The following NBAS variants were observed in gnomAD, a reference collection of about 807,000 sequenced individuals.
NBAS encodes NBAS subunit of NRZ tethering complex.
In NBAS, 219 loss-of-function variants were observed where a neutral mutation model predicts 302.5. The observed-to-expected ratio is 0.72, with a 90% CI of 0.65 to 0.81. The LOEUF is 0.81. Ranked by LOEUF, NBAS falls within the 30% of genes least tolerant of loss-of-function variation. The pLI, the probability that NBAS is intolerant of heterozygous loss-of-function variation, is 0.00. For missense variants in NBAS, 2,932 were observed against 2,841.6 expected (o/e 1.03, Z -0.72); for synonymous variants, 1,118 against 1,021.6 (o/e 1.09, Z -1.80).
the NBAS span, among the ~76,000 whole-genome samples, chr2:14,793,219 A>G: frequency 1.3e-5 from 2 of 152,176 alleles, no homozygotes; most frequent in Admixed American, 6.6e-5. Flanking sequence ...CTGTGAGAAA[A>G]TAAATTTTTG....
the NBAS span, among the ~76,000 whole-genome samples, chr2:15,113,981 T>C: frequency 1.3e-5 from 2 of 152,094 alleles, no homozygotes; most frequent in African/African-American, 2.4e-5. Flanking sequence ...CACACCACTA[T>C]CTACGAAATA....
At chr2:15,408,073 A>C (rs1676505412) in intron 25 of NBAS, among the ~76,000 whole-genome samples, 1 of 152,230 alleles carries the variant, frequency 6.6e-6, no homozygotes, top group Admixed American at 6.5e-5. Flanking sequence ...ATAATTCAGG[A>C]TAGCTTTGCC....
intron 48 of NBAS, among the ~76,000 whole-genome samples, chr2:15,201,763 A>G (rs1472444418): frequency 6.6e-6 from 1 of 152,160 alleles, no homozygotes; most frequent in African/African-American, 2.4e-5. Flanking sequence ...TCCCTTTTCT[A>G]TGGAACTAAA....
chr2:15,308,042 G>T (rs933334813), intron 40 of NBAS, among the ~76,000 whole-genome samples, 174 bp downstream of exon 40: 5 of 152,196 alleles, frequency 3.3e-5, no homozygotes, highest in African/African-American at 1.2e-4. Flanking sequence ...TCTACTTACT[G>T]ATACCTGGAG....
chr2:15,143,916 C>T, the NBAS span, among the ~76,000 whole-genome samples: 3 of 151,584 alleles, frequency 2.0e-5, no homozygotes, highest in Non-Finnish European at 2.9e-5. Flanking sequence ...TGCCCTCAAA[C>T]ATCAGACTTC....
chr2:15,325,406 G>A (rs182966775), intron 38 of NBAS, among the ~76,000 whole-genome samples: 2 of 152,144 alleles, frequency 1.3e-5, no homozygotes, highest in Non-Finnish European at 2.9e-5. Context: ...ATAATCATCT[G>A]AGCGTTCAGT....
chr2:14,818,623 A>C, the NBAS span, among the ~76,000 whole-genome samples: 28 of 152,286 alleles, frequency 1.8e-4, no homozygotes, highest in East Asian at 5.2e-3. Flanking sequence ...TGAGCAGTAA[A>C]TGGTGTTTAA....
intron 28 of NBAS, among the ~76,000 whole-genome samples, chr2:15,390,129 G>A (rs913779248): frequency 6.6e-6 from 1 of 152,092 alleles, no homozygotes; most frequent in East Asian, 1.9e-4. Flanking sequence ...AAAAGAAAAG[G>A]GGAAAAAGAA....
the NBAS span, among the ~76,000 whole-genome samples, chr2:14,854,737 T>C: frequency 6.6e-6 from 1 of 152,004 alleles, no homozygotes; most frequent in Non-Finnish European, 1.5e-5. Context: ...GGAGGGAGCA[T>C]TTAAACTAGT....
downstream of NBAS, among the ~76,000 whole-genome samples, chr2:15,163,741 G>A (rs1031774303): frequency 6.6e-6 from 1 of 151,938 alleles, no homozygotes; most frequent in Non-Finnish European, 1.5e-5. Flanking sequence ...TTGGATGAAG[G>A]GTCCCACGTC....
At chr2:15,003,665 C>G in the NBAS span, among the ~76,000 whole-genome samples, 1 of 152,236 alleles carries the variant, frequency 6.6e-6, no homozygotes, top group Non-Finnish European at 1.5e-5. Flanking sequence ...CCTCCTCCTC[C>G]TCTGAGCCTG....
In NBAS at chr2:15,328,067, G is replaced by A; in HGVS notation, c.4461+132C>T. On this transcript the variant is annotated intron_variant, in intron 37 of 51. Transcript: ENST00000281513. Reference sequence around the variant, plus strand: ...TGGTCATAATATATACCAAAAAAATGTAAAAACCAATGAATAACATGAGTA... The same window carrying A: ...TGGTCATAATATATACCAAAAAAATATAAAAACCAATGAATAACATGAGTA... The A allele has an allele frequency of 3.4e-6, 4 of 1,185,286 alleles. No individual in the cohort carries two copies. The South Asian group carries it at 5.5e-5, about 16-fold the overall frequency. 73.4% of individuals were successfully genotyped at this position (1,185,286 alleles called of 1,614,324 possible).
At chr2:15,121,571 A>T in the NBAS span, among the ~76,000 whole-genome samples, 1 of 152,208 alleles carries the variant, frequency 6.6e-6, no homozygotes, top group African/African-American at 2.4e-5. Context: ...AAAAAATTAC[A>T]TCTTTATTTT....
intron 1 of NBAS, 133 bp from the exon 2 acceptor site, chr2:15,558,767 A>C: frequency 4.1e-6 from 3 of 724,940 alleles, no homozygotes; most frequent in Non-Finnish European, 7.3e-6. Flanking sequence ...CAGTGTCTTA[A>C]AACTACTTAA....
the NBAS span, among the ~76,000 whole-genome samples, chr2:14,848,566 G>A: frequency 2.1e-5 from 3 of 140,362 alleles, 1 homozygote; most frequent in African/African-American, 3.1e-5. Context: ...GAACTGGGTG[G>A]AGCCCACCAC....
intron 32 of NBAS, among the ~76,000 whole-genome samples, chr2:15,358,576 C>T (rs978930921): frequency 6.6e-6 from 1 of 152,206 alleles, no homozygotes; most frequent in African/African-American, 2.4e-5. Flanking sequence ...TCCAGAGTCA[C>T]TGGGCCTACA....
At chr2:15,121,340 G>T in the NBAS span, among the ~76,000 whole-genome samples, 1 of 152,168 alleles carries the variant, frequency 6.6e-6, no homozygotes, top group South Asian at 2.1e-4. Context: ...ACTACTGGTG[G>T]GACTTCAGGG....
At chr2:15,561,009 C>T (rs566911946) in intron 1 of NBAS, among the ~76,000 whole-genome samples, 179 bp downstream of exon 1, 4 of 151,698 alleles carry the variant, frequency 2.6e-5, no homozygotes, top group African/African-American at 9.7e-5. Flanking sequence ...GGACCACCAC[C>T]CCACCCCGCC....
chr2:15,489,037 T>G lies in NBAS; in HGVS notation c.955-15A>C. On this transcript the variant is annotated splice_polypyrimidine_tract_variant and intron_variant, in intron 11 of 51. Coordinates refer to ENST00000281513, the MANE Select transcript of NBAS (RefSeq NM_015909.4). ...AAAATTCCATCCTAAATAAGAATCA[T>G]AAGGTCAGGGCAAAGGACTTATGGT... The G allele has an allele frequency of 6.2e-7, 1 of 1,612,626 alleles. No homozygotes were observed. Among genetic ancestry groups the G allele is most frequent in the Non-Finnish European group, 8.5e-7 (1 of 1,179,086 alleles).
Sources: allele counts gnomAD v4.1 joint callset (sites outside exome capture counted in the v4.1 genomes callset), GRCh38; gene constraint gnomAD v4.1.1; transcripts MANE v1.5; gene names NCBI Gene and HGNC (gene_info 2026-07-23, HGNC 2026-07-21).